TMEM248: variants seen among roughly 807,000 people sequenced by gnomAD.
TMEM248 encodes the protein transmembrane protein 248.
A neutral mutation model predicts 30.3 loss-of-function variants in TMEM248; 9 were observed. The observed-to-expected ratio is 0.30, with a 90% CI of 0.18 to 0.52. The LOEUF is 0.52. Ranked by LOEUF, TMEM248 falls within the 20% of genes least tolerant of loss-of-function variation. TMEM248 has a pLI of 0.97. For synonymous variants in TMEM248, 184 were observed against 154.4 expected (o/e 1.19, Z -1.42); for missense variants, 338 against 403.3 (o/e 0.84, Z 1.39).
At chr7:66,935,627 C>G (rs1791780887) in intron 1 of TMEM248, among the ~76,000 whole-genome samples, 1 of 152,252 alleles carries the variant, frequency 6.6e-6, no homozygotes, top group Non-Finnish European at 1.5e-5. Flanking sequence ...ACTACAACCT[C>G]TGCTTCCCAG....
At chr7:66,926,017 C>CA (rs1289909318) in intron 1 of TMEM248, among the ~76,000 whole-genome samples, 1 of 152,224 alleles carries the variant, frequency 6.6e-6, no homozygotes, top group East Asian at 1.9e-4. Context: ...CAGTGCATGA[C>CA]GGCTCCCTTA....
At chr7:66,942,625 AG>A (rs1179345581) in intron 2 of TMEM248, among the ~76,000 whole-genome samples, 1 of 152,080 alleles carries the variant, frequency 6.6e-6, no homozygotes, top group East Asian at 1.9e-4. Flanking sequence ...CCTCCTGAGT[AG>A]CTGGGATTAC....
At chr7:66,926,708 CAGAA>C (rs1378289484) in intron 1 of TMEM248, among the ~76,000 whole-genome samples, 2 of 148,478 alleles carry the variant, frequency 1.3e-5, no homozygotes, top group South Asian at 4.2e-4. Flanking sequence ...AATGAAAAAA[CAGAA>C]AGGAGGAAAG....
chr7:66,934,587 T>C (rs1017845305), intron 1 of TMEM248, among the ~76,000 whole-genome samples: 11 of 152,176 alleles, frequency 7.2e-5, no homozygotes, highest in African/African-American at 2.7e-4. Context: ...ATATTTGCCA[T>C]TTTGTGGGTA....
chr7:66,946,649 A>T (rs893713464), intron 3 of TMEM248, among the ~76,000 whole-genome samples: 2 of 152,222 alleles, frequency 1.3e-5, no homozygotes, highest in African/African-American at 4.8e-5. Context: ...AGACAAAGAT[A>T]AACGTGAGTT....
At chr7:66,927,330 A>C (rs1791551376) in intron 1 of TMEM248, among the ~76,000 whole-genome samples, 1 of 152,094 alleles carries the variant, frequency 6.6e-6, no homozygotes, top group African/African-American at 2.4e-5. Flanking sequence ...ACATGTAATT[A>C]TGTCAGCCTA....
chr7:66,936,241 G>GT (rs1562939661), intron 1 of TMEM248, among the ~76,000 whole-genome samples: 1 of 152,080 alleles, frequency 6.6e-6, no homozygotes. Flanking sequence ...TCTAAGCCCA[G>GT]TTTTTTTGAG....
intron 3 of TMEM248, among the ~76,000 whole-genome samples, chr7:66,948,109 C>T (rs996113893): frequency 6.6e-6 from 1 of 152,180 alleles, no homozygotes; most frequent in African/African-American, 2.4e-5. Context: ...AACTCTGAAA[C>T]CCTCTGACCT....
intron 1 of TMEM248, among the ~76,000 whole-genome samples, chr7:66,931,332 A>G (rs547425287): frequency 8.0e-4 from 122 of 151,824 alleles, no homozygotes; most frequent in African/African-American, 2.8e-3. Context: ...GAACAGTTTA[A>G]AACTACAATA....
intron 1 of TMEM248, among the ~76,000 whole-genome samples, chr7:66,936,720 T>A (rs931640803): frequency 2.6e-5 from 4 of 152,192 alleles, no homozygotes; most frequent in Admixed American, 1.3e-4. Context: ...CATCCATTTC[T>A]TCTAGGTTTT....
chr7:66,926,973 G>A (rs1395328093), intron 1 of TMEM248, among the ~76,000 whole-genome samples: 1 of 152,160 alleles, frequency 6.6e-6, no homozygotes, highest in African/African-American at 2.4e-5. Flanking sequence ...TACACACTGA[G>A]TTTGGTTACA....
Position 66,956,244 on chromosome 7 carries a change from A to G in TMEM248, c.*722A>G, listed in dbSNP as rs1792400568. ...GGTAAAGATCTAAGTTTCATTTTCC[A>G]CATGGATGACCAGGAACCTGGTCTT... On this transcript the variant is annotated 3_prime_UTR_variant, in exon 7 of 7. Coordinates refer to ENST00000341567, the MANE Select transcript of TMEM248 (RefSeq NM_017994.5). 2 of 152,206 alleles carry G rather than the reference A, an allele frequency of 1.3e-5. No individual in the cohort carries two copies. Among genetic ancestry groups the G allele is most frequent in the Admixed American group, 1.3e-4 (2 of 15,280 alleles). 9.4% of individuals were successfully genotyped at this position (152,206 alleles called of 1,614,324 possible).
intron 1 of TMEM248, among the ~76,000 whole-genome samples, chr7:66,926,765 G>A (rs1003421048): frequency 5.9e-5 from 9 of 151,990 alleles, no homozygotes; most frequent in African/African-American, 1.7e-4. Context: ...GATTGATTTC[G>A]AACATGGAAA....
At position 66,934,174 on chromosome 7, in the gene TMEM248, G is replaced by A. The variant is rs183120224; in HGVS notation, c.-18-7674G>A. Among the ~76,000 whole-genome samples, 193 of 151,132 alleles carry A rather than the reference G, an allele frequency of 1.3e-3. 1 individual carries two copies. Among genetic ancestry groups the A allele is most frequent in the African/African-American group, 4.5e-3 (186 of 41,366 alleles). The stretch of plus-strand genomic sequence containing the variant: ...TTGGAATCTTAATAGTTTTATTCAA[G>A]CTTTCTTTTATTATTATTATTATTT... On this transcript the variant is annotated intron_variant, in intron 1 of 6. Transcript: ENST00000341567.
Position 66,953,247 on chromosome 7 carries a change from T to C in TMEM248, c.802T>C (p.Leu268=), listed in dbSNP as rs1411311897. Residue 268 remains leucine (L), a synonymous_variant, in exon 6 of 7, where the codon TTG becomes CTG. Coordinates refer to ENST00000341567, the MANE Select transcript of TMEM248 (RefSeq NM_017994.5). Reference sequence around the variant, plus strand: ...TTAGGATGACCGTTCATTAATAAATTTGCATCTCATGCACACCAGTTACTT... The same window carrying C: ...TTAGGATGACCGTTCATTAATAAATCTGCATCTCATGCACACCAGTTACTT... ...VPDDDRSLIN[L]HLMHTSYFLF... 3 of 1,613,962 alleles carry C rather than the reference T, an allele frequency of 1.9e-6. No homozygotes were observed. Among genetic ancestry groups the C allele is most frequent in the Non-Finnish European group, 2.5e-6 (3 of 1,180,018 alleles).
chr7:66,952,919 T>C (rs1159458636), intron 5 of TMEM248, among the ~76,000 whole-genome samples: 1 of 152,018 alleles, frequency 6.6e-6, no homozygotes, highest in African/African-American at 2.4e-5. Context: ...GTCTGCAGCA[T>C]TTGCAGGGGA....
intron 5 of TMEM248, chr7:66,951,420 G>C (rs564061655): frequency 3.9e-4 from 113 of 288,254 alleles, no homozygotes; most frequent in African/African-American, 2.4e-3. Flanking sequence ...GGTTACAAGG[G>C]ATCCTTCTAT....
intron 1 of TMEM248, among the ~76,000 whole-genome samples, chr7:66,935,240 T>A (rs2129222445): frequency 6.6e-6 from 1 of 150,898 alleles, no homozygotes; most frequent in South Asian, 2.1e-4. Flanking sequence ...TGGAGTGCAG[T>A]GGCGCAATCT....
chr7:66,955,062 A>C (rs897696090), intron 6 of TMEM248, among the ~76,000 whole-genome samples: 1 of 152,224 alleles, frequency 6.6e-6, no homozygotes, highest in Non-Finnish European at 1.5e-5. Flanking sequence ...CACGAGTTCA[A>C]GACCAGCCTG....
Sources: allele counts gnomAD v4.1 joint callset (sites outside exome capture counted in the v4.1 genomes callset), GRCh38; gene constraint gnomAD v4.1.1; transcripts MANE v1.5; gene names NCBI Gene and HGNC (gene_info 2026-07-23, HGNC 2026-07-21).